The following CALN1 variants were observed in gnomAD, a reference collection of about 807,000 sequenced individuals.
The protein encoded by CALN1 is calneuron 1, also known as calcium-binding protein 8.
CALN1 carries 17 observed loss-of-function variants against 30.6 expected under a neutral mutation model. That is an observed-to-expected ratio of 0.56 (90% confidence interval 0.38 to 0.83). The LOEUF (loss-of-function observed/expected upper bound fraction) is 0.83. CALN1 is among the 40% of genes least tolerant of loss of function. The probability of loss-of-function intolerance (pLI) is 0.00; values close to 1 mark genes in which losing one functional copy is unlikely to be tolerated. For synonymous variants in CALN1, 156 were observed against 131.4 expected (o/e 1.19, Z -1.28); for missense variants, 291 against 354.9 (o/e 0.82, Z 1.45).
At position 72,140,579 on chromosome 7, in the gene CALN1, C is replaced by G. The variant is rs1809854148; in HGVS notation, c.245-34285G>C. Among the ~76,000 whole-genome samples, 4 of 152,248 alleles carry G rather than the reference C, an allele frequency of 2.6e-5. 1 individual carries two copies. In the South Asian group the frequency reaches 8.3e-4, roughly 32 times the overall value. On this transcript the variant is annotated intron_variant, in intron 3 of 6. Transcript: ENST00000395275. Reference sequence around the variant, plus strand: ...AGGGCAGAAGCCCCCTCAGGGATTACACCCCAACCTTGGCAGGCAGGGTGT... The same window carrying G: ...AGGGCAGAAGCCCCCTCAGGGATTAGACCCCAACCTTGGCAGGCAGGGTGT...
chr7:72,112,903 AG>A (rs1432344112), intron 3 of CALN1, among the ~76,000 whole-genome samples: 4 of 152,210 alleles, frequency 2.6e-5, no homozygotes, highest in Non-Finnish European at 5.9e-5. Context: ...GACAACTCTG[AG>A]GAAGGGCTGT....
intron 6 of CALN1, among the ~76,000 whole-genome samples, chr7:71,795,941 C>A (rs1040934385): frequency 2.0e-5 from 3 of 150,838 alleles, no homozygotes; most frequent in Non-Finnish European, 4.4e-5. Context: ...GCCTCAGCCT[C>A]CCGAGTAGCT....
At chr7:72,399,565 G>C (rs534162049) in intron 2 of CALN1, among the ~76,000 whole-genome samples, 1 of 152,130 alleles carries the variant, frequency 6.6e-6, no homozygotes, top group African/African-American at 2.4e-5. Flanking sequence ...CACCGTGCCT[G>C]ACCTAACCTA....
intron 3 of CALN1, among the ~76,000 whole-genome samples, chr7:72,250,588 G>T (rs1416609236): frequency 6.6e-6 from 1 of 152,148 alleles, no homozygotes; most frequent in Non-Finnish European, 1.5e-5. Context: ...GGTCTGGTGG[G>T]AAGTGTTTGG....
chr7:72,403,512 CTAAA>C, intron 1 of CALN1, 70 bp from the exon 2 acceptor site: 4 of 581,886 alleles, frequency 6.9e-6, no homozygotes, highest in South Asian at 5.6e-5. Flanking sequence ...AGCCTGCCGC[CTAAA>C]TAATTCACAC....
intron 2 of CALN1, among the ~76,000 whole-genome samples, chr7:72,393,693 A>T (rs1222427161): frequency 6.6e-6 from 1 of 151,710 alleles, no homozygotes; most frequent in African/African-American, 2.4e-5. Context: ...AGCCCTTTTG[A>T]AGGAATCAGG....
At chr7:71,879,674 G>A (rs1338339745) in intron 5 of CALN1, among the ~76,000 whole-genome samples, 3 of 152,206 alleles carry the variant, frequency 2.0e-5, no homozygotes, top group African/African-American at 7.2e-5. Flanking sequence ...AAGGATGGCA[G>A]AGAGGAAAAC....
chr7:72,118,681 A>G (rs1165828089), intron 3 of CALN1, among the ~76,000 whole-genome samples: 1 of 143,960 alleles, frequency 6.9e-6, no homozygotes, highest in Non-Finnish European at 1.5e-5. Context: ...AAGGAAAATG[A>G]GTGGATGAGA....
chr7:71,823,656 T>TG (rs569840172), intron 5 of CALN1, among the ~76,000 whole-genome samples: 14 of 151,516 alleles, frequency 9.2e-5, no homozygotes, highest in African/African-American at 3.4e-4. Flanking sequence ...AGGTGGAAGT[T>TG]GCAGTGAGCC....
chr7:72,098,802 A>ACACACACG (rs67652331), intron 4 of CALN1, among the ~76,000 whole-genome samples: 1 of 147,334 alleles, frequency 6.8e-6, no homozygotes, highest in Admixed American at 6.8e-5. Flanking sequence ...ACACACACAC[A>ACACACACG]GCCAGTCCCA....
At chr7:72,331,627 A>G (rs1562895350) in intron 2 of CALN1, among the ~76,000 whole-genome samples, 1 of 152,146 alleles carries the variant, frequency 6.6e-6, no homozygotes, top group East Asian at 1.9e-4. Flanking sequence ...TTTTTTTCTA[A>G]TAGTCACAGA....
Position 72,089,715 on chromosome 7 carries a change from A to C in CALN1, c.388+16436T>G, listed in dbSNP as rs534691473. 2.6e-5 allele frequency among the ~76,000 whole-genome samples: 4 copies of C among 152,330 alleles called. No individual in the cohort carries two copies. The East Asian group carries it at 7.7e-4, about 29-fold the overall frequency. The stretch of plus-strand genomic sequence containing the variant: ...AACAGGACTCAAAAGCATTTAAAGA[A>C]CATTTGCACTGATAAAAGGTGAAAT... On this transcript the variant is annotated intron_variant, in intron 4 of 6. Coordinates refer to ENST00000395275, the MANE Select transcript of CALN1 (RefSeq NM_031468.4).
At chr7:72,287,283 G>A (rs1416427377) in intron 2 of CALN1, among the ~76,000 whole-genome samples, 1 of 151,874 alleles carries the variant, frequency 6.6e-6, no homozygotes, top group African/African-American at 2.4e-5. Flanking sequence ...AGATTTTGAT[G>A]TAACTACATA....
chr7:72,400,347 C>A (rs1291639972), intron 2 of CALN1, among the ~76,000 whole-genome samples: 1 of 152,202 alleles, frequency 6.6e-6, no homozygotes, highest in Non-Finnish European at 1.5e-5. Flanking sequence ...CATTTAATCA[C>A]TGTCAAACAG....
chr7:71,799,644 T>C (rs1008595619), intron 6 of CALN1, among the ~76,000 whole-genome samples: 5 of 151,928 alleles, frequency 3.3e-5, no homozygotes, highest in African/African-American at 1.2e-4. Context: ...TTTTATTTCT[T>C]TTTGTATTTT....
At position 72,213,209 on chromosome 7, in the gene CALN1, A is replaced by C. The variant is rs554151120; in HGVS notation, c.244+65477T>G. Among the ~76,000 whole-genome samples the C allele has an allele frequency of 5.2e-5, 8 of 152,386 alleles. No homozygotes were observed. In the East Asian group the frequency reaches 1.2e-3, roughly 22 times the overall value. On this transcript the variant is annotated intron_variant, in intron 3 of 6. Coordinates refer to ENST00000395275, the MANE Select transcript of CALN1 (RefSeq NM_031468.4). ...ATTAAAAACAACTAAACATTTGTTCAGACGTTATCTTTGTTCTCCGCTCTA... is the reference window on the plus strand; with the variant it reads ...ATTAAAAACAACTAAACATTTGTTCCGACGTTATCTTTGTTCTCCGCTCTA...
upstream of CALN1, among the ~76,000 whole-genome samples, chr7:72,413,329 A>G (rs1807300149): frequency 6.6e-6 from 1 of 151,416 alleles, no homozygotes; most frequent in South Asian, 2.1e-4. Flanking sequence ...ACTAACATAC[A>G]CTCACATCCA....
intron 5 of CALN1, among the ~76,000 whole-genome samples, chr7:71,861,066 G>A (rs1263551311): frequency 6.6e-6 from 1 of 152,154 alleles, no homozygotes; most frequent in East Asian, 1.9e-4. Flanking sequence ...GGAAAGAAGA[G>A]AAGACACTCC....
chr7:72,257,149 A>C (rs936178302), intron 3 of CALN1, among the ~76,000 whole-genome samples: 9 of 152,176 alleles, frequency 5.9e-5, no homozygotes, highest in African/African-American at 1.9e-4. Context: ...GCACAGGGGA[A>C]ACTGCCACTT....
Sources: allele counts gnomAD v4.1 joint callset (sites outside exome capture counted in the v4.1 genomes callset), GRCh38; gene constraint gnomAD v4.1.1; transcripts MANE v1.5; gene names NCBI Gene and HGNC (gene_info 2026-07-23, HGNC 2026-07-21).